Variants in TCF7L2 observed in about 807,000 individuals in gnomAD.
TCF7L2 encodes transcription factor 7 like 2, also known as transcription factor 7-like 2.
TCF7L2 carries 23 observed loss-of-function variants against 77.9 expected under a neutral mutation model. That is an observed-to-expected ratio of 0.30 (90% CI 0.21 to 0.42). The LOEUF is 0.42. Among genes scored for constraint, TCF7L2 ranks in the 10% least tolerant of loss-of-function variants. The probability of loss-of-function intolerance (pLI) is 1.00; values close to 1 mark genes in which losing one functional copy is unlikely to be tolerated. For missense variants in TCF7L2, 654 were observed against 793.1 expected (o/e 0.82, Z 2.11); for synonymous variants, 413 against 340.2 (o/e 1.21, Z -2.36).
intron 8 of TCF7L2, among the ~76,000 whole-genome samples, chr10:113,150,692 G>A (rs1045882499): frequency 6.6e-6 from 1 of 152,166 alleles, no homozygotes. Context: ...GTGGACGTGC[G>A]ATTTCTGGCA....
At chr10:113,069,478 C>T (rs564317678) in intron 5 of TCF7L2, among the ~76,000 whole-genome samples, 6 of 152,286 alleles carry the variant, frequency 3.9e-5, no homozygotes, top group Admixed American at 1.3e-4. Context: ...GATCCGCCCA[C>T]CTCTACCTCT....
At chr10:113,092,732 C>T (rs935469013) in intron 5 of TCF7L2, among the ~76,000 whole-genome samples, 14 of 152,154 alleles carry the variant, frequency 9.2e-5, no homozygotes, top group African/African-American at 3.4e-4. Context: ...GGCGTGGTGG[C>T]ACATGCCTGT....
chr10:113,143,599 G>T (rs1398667361), intron 6 of TCF7L2, among the ~76,000 whole-genome samples: 1 of 152,148 alleles, frequency 6.6e-6, no homozygotes, highest in Non-Finnish European at 1.5e-5. Context: ...TCTCCACCAG[G>T]TGCTGAGCCT....
intron 5 of TCF7L2, among the ~76,000 whole-genome samples, chr10:113,064,131 T>G (rs1237176000): frequency 6.6e-6 from 1 of 152,202 alleles, no homozygotes; most frequent in Non-Finnish European, 1.5e-5. Flanking sequence ...GAAGGACTGT[T>G]TCTTTTGGGA....
In TCF7L2 at chr10:113,073,099, C is replaced by CGTGTGTGTGTGTGTGTGT. The variant is rs71489997; in HGVS notation, c.552+32987_552+33004dup. 1.7e-3 allele frequency among the ~76,000 whole-genome samples: 172 copies of CGTGTGTGTGTGTGTGTGT among 104,000 alleles called. 2 individuals are homozygous for CGTGTGTGTGTGTGTGTGT. The highest frequency in any genetic ancestry group is 7.1e-3 in the African/African-American group (163 of 23,100). 68.2% of individuals were successfully genotyped at this position (104,000 alleles called of 152,430 possible). On this transcript the variant is annotated intron_variant, in intron 5 of 13. Coordinates refer to ENST00000627217, the MANE Select transcript of TCF7L2 (RefSeq NM_001146274.2). ...ATGTGTACCTAGGGCAGGGCCAGGTCGTGTGTGTGTGTGTGTGTGTGTGTG... is the reference window on the plus strand; with the variant it reads ...ATGTGTACCTAGGGCAGGGCCAGGTCGTGTGTGTGTGTGTGTGTGTGTGTGTGTGTGTGTGTGTGTGTG...
chr10:113,033,678 T>C (rs2050644835), intron 4 of TCF7L2, among the ~76,000 whole-genome samples: 1 of 152,248 alleles, frequency 6.6e-6, no homozygotes. Flanking sequence ...ATCACACATT[T>C]CTTTTTCTAT....
At chr10:112,976,937 A>G (rs1297804407) in intron 4 of TCF7L2, among the ~76,000 whole-genome samples, 1 of 151,484 alleles carries the variant, frequency 6.6e-6, no homozygotes, top group Non-Finnish European at 1.5e-5. Flanking sequence ...GATTTTCAGA[A>G]TGCTTAGAGG....
rs2036252442 is a variant in TCF7L2 at position 112,964,805 on chromosome 10, GT to G, written c.450+182del. On this transcript the variant is annotated intron_variant, in intron 4 of 13. Transcript: ENST00000627217. ...GGTGGTGGTGGTGATGGTGGTGGTG[GT>G]GGTGGTGGGGGGGGGTTGAATCACT... Among the ~76,000 whole-genome samples, 4 of 133,838 alleles carry G rather than the reference GT, an allele frequency of 3.0e-5. No individual in the cohort carries two copies. The South Asian group carries it at 6.9e-4, about 23-fold the overall frequency. The allele number at this position is 133,838 out of a possible 152,430, so 87.8% of individuals were successfully genotyped here.
At chr10:113,016,969 AC>A (rs748403814) in intron 4 of TCF7L2, among the ~76,000 whole-genome samples, 1 of 152,100 alleles carries the variant, frequency 6.6e-6, no homozygotes, top group Non-Finnish European at 1.5e-5. Context: ...CAGAGGACTG[AC>A]CACTTCTTGA....
intron 4 of TCF7L2, among the ~76,000 whole-genome samples, chr10:112,992,364 C>T (rs1414883580): frequency 6.6e-6 from 1 of 152,200 alleles, no homozygotes; most frequent in Non-Finnish European, 1.5e-5. Context: ...GGGAGGGATG[C>T]ATGCCCTCCG....
intron 5 of TCF7L2, among the ~76,000 whole-genome samples, chr10:113,083,420 C>T (rs977130642): frequency 5.3e-5 from 8 of 152,060 alleles, no homozygotes; most frequent in South Asian, 4.1e-4. Context: ...GATGATATCC[C>T]GGTCTGGGGA....
chr10:112,996,998 C>T (rs1179327607), intron 4 of TCF7L2, among the ~76,000 whole-genome samples: 3 of 152,202 alleles, frequency 2.0e-5, no homozygotes, highest in African/African-American at 7.2e-5. Flanking sequence ...AGGAGCTGAG[C>T]TGAATTCTAA....
chr10:113,121,115 C>T (rs2064698349), intron 5 of TCF7L2, among the ~76,000 whole-genome samples: 1 of 152,160 alleles, frequency 6.6e-6, no homozygotes, highest in South Asian at 2.1e-4. Context: ...CTTCAAACCA[C>T]TGTAATCTTA....
intron 4 of TCF7L2, among the ~76,000 whole-genome samples, chr10:113,024,418 A>G (rs1001999713): frequency 6.6e-6 from 1 of 152,190 alleles, no homozygotes; most frequent in Non-Finnish European, 1.5e-5. Context: ...TGCAGTGGGT[A>G]GACTGCTATT....
At chr10:113,032,006 A>G (rs2050307464) in intron 4 of TCF7L2, among the ~76,000 whole-genome samples, 1 of 152,220 alleles carries the variant, frequency 6.6e-6, no homozygotes, top group African/African-American at 2.4e-5. Context: ...CAAAGCGTGG[A>G]GAAGAGGTTG....
chr10:113,063,208 T>C (rs574554798), intron 5 of TCF7L2, among the ~76,000 whole-genome samples: 25 of 152,292 alleles, frequency 1.6e-4, no homozygotes, highest in African/African-American at 5.8e-4. Context: ...ACCCGATGCC[T>C]ACATATGTCT....
intron 4 of TCF7L2, among the ~76,000 whole-genome samples, chr10:112,968,821 C>T (rs1489829522): frequency 2.0e-5 from 3 of 152,020 alleles, no homozygotes; most frequent in East Asian, 1.9e-4. Context: ...CCTCGTGATC[C>T]GGCCATTTGG....
intron 4 of TCF7L2, among the ~76,000 whole-genome samples, chr10:113,011,906 G>A (rs556535103): frequency 8.5e-5 from 13 of 152,188 alleles, no homozygotes; most frequent in African/African-American, 3.1e-4. Context: ...ACTACCTTGA[G>A]TATTGCTGTT....
chr10:113,087,839 C>T (rs1340836714), intron 5 of TCF7L2, among the ~76,000 whole-genome samples: 1 of 152,174 alleles, frequency 6.6e-6, no homozygotes, highest in Non-Finnish European at 1.5e-5. Flanking sequence ...TGGTTTTAAT[C>T]CATCTGGATA....
Sources: allele counts gnomAD v4.1 joint callset (sites outside exome capture counted in the v4.1 genomes callset), GRCh38; gene constraint gnomAD v4.1.1; transcripts MANE v1.5; gene names NCBI Gene and HGNC (gene_info 2026-07-23, HGNC 2026-07-21).